The following RFX1 variants were observed in gnomAD, a reference collection of about 807,000 sequenced individuals.
RFX1 encodes the protein regulatory factor X1.
RFX1 carries 42 observed loss-of-function variants against 119.6 expected under a neutral mutation model. That is an observed-to-expected ratio of 0.35 (90% CI 0.27 to 0.45). RFX1 has a LOEUF of 0.45. Among genes scored for constraint, RFX1 ranks in the 20% least tolerant of loss-of-function variants. The pLI is 1.00. For missense variants in RFX1, 1,118 were observed against 1,368.1 expected (o/e 0.82, Z 2.88); for synonymous variants, 628 against 618.5 (o/e 1.02, Z -0.23).
Position 13,969,701 on chromosome 19 carries a change from A to G in RFX1, c.1496+293T>C. The G allele has an allele frequency of 5.5e-6, 2 of 363,348 alleles. 1 individual carries two copies. The highest frequency in any genetic ancestry group is 1.6e-4 in the South Asian group (2 of 12,332). 22.5% of individuals were successfully genotyped at this position (363,348 alleles called of 1,614,324 possible). A position where few individuals can be genotyped will look rare whatever the true frequency, so the allele number is the denominator to read the frequency against. ...TCACGTGTGAGCGTGCTGAATGCTA[A>G]AGAGAAAAATAAAGCAGGGTTGGGG... On this transcript the variant is annotated intron_variant, in intron 10 of 20. Coordinates refer to ENST00000254325, the MANE Select transcript of RFX1 (RefSeq NM_002918.5). The surrounding 1 kb of genome is among the most constrained non-coding windows in gnomAD (Gnocchi z 4.5).
Position 13,980,773 on chromosome 19 carries a change from G to A in RFX1, c.622-84C>T. ...GGGCTCACACACACACCCTTCTCAG[G>A]AGAGCTGTCTGGGGAGGGCGGCAGT... On this transcript the variant is annotated intron_variant, in intron 5 of 20. Coordinates refer to ENST00000254325, the MANE Select transcript of RFX1 (RefSeq NM_002918.5). The surrounding 1 kb of genome is among the most constrained non-coding windows in gnomAD (Gnocchi z 5.1). The A allele has an allele frequency of 3.5e-6, 1 of 282,312 alleles. No homozygotes were observed. The highest frequency in any genetic ancestry group is 5.6e-6 in the Non-Finnish European group (1 of 179,810). 17.5% of individuals were successfully genotyped at this position (282,312 alleles called of 1,614,324 possible). A position where few individuals can be genotyped will look rare whatever the true frequency, so the allele number is the denominator to read the frequency against.
intron 1 of RFX1, among the ~76,000 whole-genome samples, chr19:13,998,980 A>G (rs995961913): frequency 1.1e-4 from 16 of 152,190 alleles, no homozygotes; most frequent in African/African-American, 3.6e-4. Context: ...CTGAGCTCAA[A>G]AGGAGGAGGT....
chr19:13,993,740 G>A lies in RFX1; in HGVS notation c.104C>T (p.Pro35Leu), dbSNP rs2145622204. 1 of 1,595,138 alleles carries A rather than the reference G, an allele frequency of 6.3e-7. No homozygotes were observed. Among genetic ancestry groups the A allele is most frequent in the East Asian group, 2.2e-5 (1 of 44,672 alleles). ...AQPQPPPPPP[P>L]AAPQPPQPPT... ...TGGCTGCGGGGGCTGGGGTGCCGCT[G>A]GGGGTGGTGGCGGTGGCGGCTGGGG... The change falls in exon 2 of 21, where the codon CCA (proline) becomes CTA (leucine). Residue 35 changes from proline to leucine, a missense_variant. Physicochemically the swap from Pro to Leu is moderately conservative, Grantham distance 98. This residue lies in a region of RFX1 where 542 missense variants were observed against 602.7 expected (regional missense o/e 0.90). Coordinates refer to ENST00000254325, the MANE Select transcript of RFX1 (RefSeq NM_002918.5).
intron 9 of RFX1, 92 bp from the exon 10 acceptor site, chr19:13,970,267 T>G: frequency 1.7e-6 from 2 of 1,170,180 alleles, no homozygotes; most frequent in Non-Finnish European, 1.2e-6. Context: ...GACTTCCAGC[T>G]GGGATCCTGA....
rs369856408 is a variant in RFX1 at position 13,992,674 on chromosome 19, G to A, written c.319+851C>T. Among the ~76,000 whole-genome samples the A allele has an allele frequency of 1.2e-4, 18 of 152,246 alleles. No individual in the cohort carries two copies. In the South Asian group the frequency reaches 3.1e-3, roughly 26 times the overall value. ...CCTCGCATGCGTCCCCTGAGAGAGAGGAGCTATGATGATCCCATCACAAAT... is the reference window on the plus strand; with the variant it reads ...CCTCGCATGCGTCCCCTGAGAGAGAAGAGCTATGATGATCCCATCACAAAT... On this transcript the variant is annotated intron_variant, in intron 2 of 20. Transcript: ENST00000254325.
At chr19:13,988,411 G>A (rs1974684612) in intron 2 of RFX1, among the ~76,000 whole-genome samples, 1 of 152,284 alleles carries the variant, frequency 6.6e-6, no homozygotes, top group Admixed American at 6.5e-5. Flanking sequence ...GGAGCTGTGT[G>A]CCCACTCCAG....
chr19:13,975,043 C>CA (rs60183087), intron 8 of RFX1, among the ~76,000 whole-genome samples: 2,573 of 31,658 alleles, frequency 0.081, 58 homozygotes, highest in African/African-American at 0.18. Context: ...AACTCCACCT[C>CA]AAAAAAAAAA....
Position 13,965,823 on chromosome 19 carries a change from C to T in RFX1, c.1962-46G>A, listed in dbSNP as rs1973877554. The T allele has an allele frequency of 1.2e-6, 2 of 1,600,416 alleles. No homozygotes were observed. Among genetic ancestry groups the T allele is most frequent in the South Asian group, 1.1e-5 (1 of 89,904 alleles). ...CCGGGTCACTGGGGTACTCTATGGT[C>T]CTGCCCCCATCGTCAGAAGGGAACA... On this transcript the variant is annotated intron_variant, in intron 14 of 20. Coordinates refer to ENST00000254325, the MANE Select transcript of RFX1 (RefSeq NM_002918.5). The surrounding 1 kb of genome is among the most constrained non-coding windows in gnomAD (Gnocchi z 4.7).
intron 2 of RFX1, among the ~76,000 whole-genome samples, chr19:13,984,265 C>T (rs2145595988): frequency 7.1e-6 from 1 of 141,714 alleles, no homozygotes; most frequent in Admixed American, 7.0e-5. Context: ...GGGGGGCCTG[C>T]CTGGCCCTCT....
intron 17 of RFX1, 36 bp from the exon 18 acceptor site, chr19:13,963,782 A>C (rs1973799648): frequency 1.3e-6 from 2 of 1,504,558 alleles, no homozygotes; most frequent in East Asian, 5.0e-5. Context: ...CCCGGGGCTC[A>C]GCCGCCGTCA....
Position 13,993,679 on chromosome 19 carries a change from G to A in RFX1, c.165C>T (p.Val55=), listed in dbSNP as rs751211537. The A allele has an allele frequency of 3.2e-6, 5 of 1,585,544 alleles. No individual in the cohort carries two copies. Among genetic ancestry groups the A allele is most frequent in the Non-Finnish European group, 4.3e-6 (5 of 1,165,846 alleles). ...TAAATPQPQY[V]TELQSPQPQA... ...GGGGCTGGGGGCTCTGCAGCTCGGT[G>A]ACATATTGGGGCTGAGGGGTGGCAG... is the stretch of plus-strand genomic sequence containing the variant. Residue 55 remains valine, a synonymous_variant, in exon 2 of 21, where the codon GTC becomes GTT. Coordinates refer to ENST00000254325, the MANE Select transcript of RFX1 (RefSeq NM_002918.5).
At chr19:14,003,341 A>G (rs1416360271) in intron 1 of RFX1, among the ~76,000 whole-genome samples, 1 of 132,048 alleles carries the variant, frequency 7.6e-6, no homozygotes, top group Non-Finnish European at 1.6e-5. Context: ...ACAGCCATTC[A>G]GCAGCCAGGG....
Position 13,968,493 on chromosome 19 carries a change from T to G in RFX1, c.1732+72A>C. The G allele has an allele frequency of 7.8e-7, 1 of 1,275,524 alleles. No homozygotes were observed. Among genetic ancestry groups the G allele is most frequent in the Non-Finnish European group, 1.1e-6 (1 of 876,030 alleles). The allele number at this position is 1,275,524 out of a possible 1,614,324, so 79.0% of individuals were successfully genotyped here. On this transcript the variant is annotated intron_variant, in intron 12 of 20. Coordinates refer to ENST00000254325, the MANE Select transcript of RFX1 (RefSeq NM_002918.5). This position sits in a 1 kb window ranked among gnomAD's most constrained non-coding sequence, Gnocchi z 5.5. ...CCAGCTCAGAGGCTGCCTGCCGCCATCCAGCTTTGGGAACCGTCTGCACGG... is the reference window on the plus strand; with the variant it reads ...CCAGCTCAGAGGCTGCCTGCCGCCAGCCAGCTTTGGGAACCGTCTGCACGG...
chr19:14,000,967 G>A (rs1024255311), intron 1 of RFX1, among the ~76,000 whole-genome samples: 3 of 151,762 alleles, frequency 2.0e-5, no homozygotes, highest in African/African-American at 7.3e-5. Context: ...GCGTGATGGC[G>A]TGTGCCTGTA....
chr19:13,985,621 C>T lies in RFX1; in HGVS notation c.320-2026G>A, dbSNP rs533390966. 7.2e-5 allele frequency among the ~76,000 whole-genome samples: 11 copies of T among 152,376 alleles called. No homozygotes were observed. The highest frequency in any genetic ancestry group is 2.6e-4 in the African/African-American group (11 of 41,598). On this transcript the variant is annotated intron_variant, in intron 2 of 20. Transcript: ENST00000254325. The surrounding 1 kb of genome is among the most constrained non-coding windows in gnomAD (Gnocchi z 4.3). ...CTGGGCCCACACGAACCTCATACCA[C>T]ATATGGAACCGGAGTCACTGGTTCT...
chr19:13,977,501 C>T (rs777741869), intron 8 of RFX1, among the ~76,000 whole-genome samples: 21 of 151,562 alleles, frequency 1.4e-4, no homozygotes, highest in Non-Finnish European at 2.8e-4. Context: ...ACTGCAACCT[C>T]CGCCTCCTGG....
chr19:13,976,103 C>T (rs890776060), intron 8 of RFX1, among the ~76,000 whole-genome samples: 2 of 152,234 alleles, frequency 1.3e-5, no homozygotes, highest in Non-Finnish European at 2.9e-5. Flanking sequence ...CAGCTTGGCT[C>T]AACCACACAG....
chr19:13,997,401 C>T (rs13346689), intron 1 of RFX1, among the ~76,000 whole-genome samples: 2,029 of 152,336 alleles, frequency 0.013, 45 homozygotes, highest in African/African-American at 0.046. Flanking sequence ...AATGGGAGGA[C>T]GGCTGGCCCT....
At chr19:13,989,912 AAGG>A (rs1459168468) in intron 2 of RFX1, among the ~76,000 whole-genome samples, 1 of 152,118 alleles carries the variant, frequency 6.6e-6, no homozygotes, top group African/African-American at 2.4e-5. Flanking sequence ...GGTCTTACTC[AAGG>A]AGGAGTAGGA....
Sources: gnomAD v4.1 joint callset for allele counts (sites outside exome capture counted in the v4.1 genomes callset) on GRCh38, gnomAD v4.1.1 for gene constraint, gnomAD v4.1.1 regional missense constraint, Gnocchi (gnomAD v3.1) non-coding constraint, MANE v1.5 for transcripts, NCBI Gene and HGNC (gene_info 2026-07-23, HGNC 2026-07-21) for gene names.